The following DHX33 variants were observed in gnomAD, a reference collection of about 807,000 sequenced individuals.
The protein encoded by DHX33 is DEAH-box helicase 33.
Under a neutral mutation model 72.5 loss-of-function variants are expected in DHX33, and 42 were observed. The observed-to-expected ratio is 0.58, with a 90% CI of 0.45 to 0.75. The LOEUF is 0.75. Ranked by LOEUF, DHX33 falls within the 30% of genes least tolerant of loss-of-function variation. The probability of loss-of-function intolerance (pLI) is 0.00; values close to 1 mark genes in which losing one functional copy is unlikely to be tolerated. For missense variants in DHX33, 842 were observed against 917.5 expected (o/e 0.92, Z 1.06); for synonymous variants, 358 against 366.1 (o/e 0.98, Z 0.25).
At chr17:5,460,856 C>A in intron 4 of DHX33, 83 bp downstream of exon 4, 1 of 1,488,514 alleles carries the variant, frequency 6.7e-7, no homozygotes, top group South Asian at 1.3e-5. Flanking sequence ...TATTCAGTAG[C>A]TTTTCTTTTC....
In DHX33 at chr17:5,453,596, C is replaced by T; in HGVS notation, c.1380G>A (p.Met460Ile). The change falls in exon 8 of 12, where the codon ATG (methionine) becomes ATA (isoleucine). Residue 460 changes from methionine to isoleucine, a missense_variant. Physicochemically the swap from Met to Ile is conservative, Grantham distance 10. Transcript: ENST00000225296. ...KVPNVLTFDFMSKPSPDHIQA... is the reference protein window; with the variant it reads ...KVPNVLTFDFISKPSPDHIQA... ...TTCACTTACCTGGAGATGGCTTCGA[C>T]ATGAAGTCAAAGGTGAGCACATTTG... is the stretch of plus-strand genomic sequence containing the variant. The T allele has an allele frequency of 6.2e-7, 1 of 1,614,200 alleles. No individual in the cohort carries two copies. Among genetic ancestry groups the T allele is most frequent in the Non-Finnish European group, 8.5e-7 (1 of 1,180,030 alleles).
rs1917175841 is a variant in DHX33, at chr17:5,456,053, G to C, written c.979C>G (p.Leu327Val). The change falls in exon 5 of 12, where the codon CTG (leucine) becomes GTG (valine). Residue 327 changes from leucine to valine, a missense_variant. Physicochemically the swap from Leu to Val is conservative, Grantham distance 32. Transcript: ENST00000225296. Reference sequence around the variant, plus strand: ...TGTGCATAGGGCAGGGAGGCGTACAGAGGAAGGACCAGCATCGCAGGGCAG... The same window carrying C: ...TGTGCATAGGGCAGGGAGGCGTACACAGGAAGGACCAGCATCGCAGGGCAG... The part of the protein sequence containing the change: ...DGCPAMLVLP[L>V]YASLPYAQQL... 1.9e-6 allele frequency: 3 copies of C among 1,613,442 alleles called. No individual in the cohort carries two copies. The highest frequency in any genetic ancestry group is 2.5e-6 in the Non-Finnish European group (3 of 1,180,038).
rs747920089 is a variant in DHX33 at position 5,462,336 on chromosome 17, C to T, written c.661G>A (p.Gly221Arg). Residue 221 changes from glycine (G) to arginine (R), a missense_variant, in exon 3 of 12, where the codon GGG (glycine) becomes AGG (arginine). Coordinates refer to ENST00000225296, the MANE Select transcript of DHX33 (RefSeq NM_020162.4). ...KAAQKRRKEL[G>R]KLPLKVIVMS... is the part of the protein sequence containing the mutation. ...CCTCATACTTTCAGAGGAAGTTTCC[C>T]GAGTTCCTTTCTCCTCTTCTGTGCA... 1.9e-5 allele frequency: 30 copies of T among 1,613,876 alleles called. No homozygotes were observed. In the East Asian group the frequency reaches 3.6e-4, roughly 19 times the overall value.
Position 5,456,132 on chromosome 17 carries a change from C to T in DHX33, c.900G>A (p.Glu300=), listed in dbSNP as rs1447692706. Residue 300 remains glutamate (E), a synonymous_variant, in exon 5 of 12, where the codon GAG becomes GAA. Coordinates refer to ENST00000225296, the MANE Select transcript of DHX33 (RefSeq NM_020162.4). Reference sequence around the variant, plus strand: ...GGCACGTCTTGCTCATGGCTTCGATCTCCTCCTGCCCAGTGAGGAACACCA... The same window carrying T: ...GGCACGTCTTGCTCATGGCTTCGATTTCCTCCTGCCCAGTGAGGAACACCA... ...DILVFLTGQE[E]IEAMSKTCRD... 8 of 1,614,186 alleles carry T rather than the reference C, an allele frequency of 5.0e-6. No homozygotes were observed. In the East Asian group the frequency reaches 1.6e-4, roughly 31 times the overall value.
chr17:5,468,947 C>T lies in DHX33; in HGVS notation c.-88G>A. 1 of 1,326,880 alleles carries T rather than the reference C, an allele frequency of 7.5e-7. No homozygotes were observed. Among genetic ancestry groups the T allele is most frequent in the Non-Finnish European group, 1.0e-6 (1 of 971,450 alleles). The allele number at this position is 1,326,880 out of a possible 1,614,324, so 82.2% of individuals were successfully genotyped here. ...GACAACAGGAGCACACCGCCCCTTC[C>T]TCGCCGCCACGTGCTGGCGGCTCCC... On this transcript the variant is annotated 5_prime_UTR_variant, in exon 1 of 12. Transcript: ENST00000225296.
At chr17:5,453,525 T>C (rs1917046085) in intron 8 of DHX33, 55 bp downstream of exon 8, 1 of 1,407,604 alleles carries the variant, frequency 7.1e-7, no homozygotes, top group Middle Eastern at 1.8e-4. Context: ...GAAGTGTCCA[T>C]TTGTTGTTGT....
In DHX33 at chr17:5,468,818, C is replaced by G; in HGVS notation, c.42G>C (p.Arg14=). ...EAGFPPAKRF[R]PGSGPPSRAG... Reference sequence around the variant, plus strand: ...CGCGGCTCGGAGGTCCAGAGCCTGGCCGGAATCTCTTGGCCGGCGGGAAGC... The same window carrying G: ...CGCGGCTCGGAGGTCCAGAGCCTGGGCGGAATCTCTTGGCCGGCGGGAAGC... The change falls in exon 1 of 12, where the codon CGG becomes CGC. Residue 14 remains arginine, a synonymous_variant. Coordinates refer to ENST00000225296, the MANE Select transcript of DHX33 (RefSeq NM_020162.4). 6.3e-7 allele frequency: 1 copy of G among 1,582,314 alleles called. No homozygotes were observed. Among genetic ancestry groups the G allele is most frequent in the Non-Finnish European group, 8.6e-7 (1 of 1,164,962 alleles).
intron 1 of DHX33, among the ~76,000 whole-genome samples, chr17:5,465,114 T>C (rs1007695762): frequency 6.6e-6 from 1 of 152,232 alleles, no homozygotes; most frequent in Non-Finnish European, 1.5e-5. Flanking sequence ...ACGCAGTAAA[T>C]GTTACTTCCT....
chr17:5,464,421 G>A (rs982326738), intron 1 of DHX33, among the ~76,000 whole-genome samples: 1 of 152,134 alleles, frequency 6.6e-6, no homozygotes, highest in African/African-American at 2.4e-5. Context: ...ACCCTGTGTT[G>A]GTAAAGCCTC....
At chr17:5,448,511 C>T (rs1296649446) in intron 11 of DHX33, among the ~76,000 whole-genome samples, 1 of 151,996 alleles carries the variant, frequency 6.6e-6, no homozygotes, top group Non-Finnish European at 1.5e-5. Context: ...GATATTCATA[C>T]TTAAAAAAAA....
At chr17:5,466,503 C>T (rs1001980488) in intron 1 of DHX33, among the ~76,000 whole-genome samples, 2 of 152,174 alleles carry the variant, frequency 1.3e-5, no homozygotes, top group Non-Finnish European at 2.9e-5. Flanking sequence ...GACAAATCAG[C>T]TGTTACCCAC....
At chr17:5,446,984 C>T (rs953280011) in intron 11 of DHX33, among the ~76,000 whole-genome samples, 2 of 152,224 alleles carry the variant, frequency 1.3e-5, no homozygotes, top group Non-Finnish European at 2.9e-5. Flanking sequence ...AGACACAGGC[C>T]TGGGTACAGG....
In DHX33 at chr17:5,467,166, G is replaced by C. The variant is rs572112713; in HGVS notation, c.289+1405C>G. 2.6e-5 allele frequency among the ~76,000 whole-genome samples: 4 copies of C among 152,244 alleles called. No individual in the cohort carries two copies. The South Asian group carries it at 8.3e-4, about 32-fold the overall frequency. On this transcript the variant is annotated intron_variant, in intron 1 of 11. Transcript: ENST00000225296. The stretch of plus-strand genomic sequence containing the variant: ...GGTTTGAAAACAAAATCATAGCATG[G>C]GTCATCCCATTCCTGGGCCCTCTCC...
rs183228901 is a variant in DHX33 at position 5,468,897 on chromosome 17, G to C, written c.-38C>G. The C allele has an allele frequency of 9.7e-6, 15 of 1,547,776 alleles. No homozygotes were observed. In the African/African-American group the frequency reaches 1.5e-4, roughly 16 times the overall value. On this transcript the variant is annotated 5_prime_UTR_variant, in exon 1 of 12. Coordinates refer to ENST00000225296, the MANE Select transcript of DHX33 (RefSeq NM_020162.4). Reference sequence around the variant, plus strand: ...CCGCGGCGGGAGGCGCAAGCGCCGAGAGCTCCTGCCCCCTCTCAGGTGCAG... The same window carrying C: ...CCGCGGCGGGAGGCGCAAGCGCCGACAGCTCCTGCCCCCTCTCAGGTGCAG...
At chr17:5,445,516 T>C (rs955090828) in intron 11 of DHX33, among the ~76,000 whole-genome samples, 3 of 152,238 alleles carry the variant, frequency 2.0e-5, no homozygotes, top group African/African-American at 7.2e-5. Flanking sequence ...TCAGAGGAAA[T>C]GTCAGTCACC....
At chr17:5,446,354 T>G (rs780551491) in intron 11 of DHX33, among the ~76,000 whole-genome samples, 5 of 152,204 alleles carry the variant, frequency 3.3e-5, no homozygotes, top group Admixed American at 6.5e-5. Context: ...CCCCAGAGGC[T>G]AACTGGTGGT....
In DHX33 at chr17:5,468,964, GCGGCT is replaced by G; in HGVS notation, c.-110_-106del. On this transcript the variant is annotated 5_prime_UTR_variant, in exon 1 of 12. Transcript: ENST00000225296. Reference sequence around the variant, plus strand: ...GCCCCTTCCTCGCCGCCACGTGCTGGCGGCTCCCGGCGACCACCGATGACCTCACG... The same window carrying G: ...GCCCCTTCCTCGCCGCCACGTGCTGGCCCGGCGACCACCGATGACCTCACG... 1 of 725,906 alleles carries G rather than the reference GCGGCT, an allele frequency of 1.4e-6. No individual in the cohort carries two copies. Among genetic ancestry groups the G allele is most frequent in the Non-Finnish European group, 2.1e-6 (1 of 474,358 alleles). 45.0% of individuals were successfully genotyped at this position (725,906 alleles called of 1,614,324 possible).
intron 2 of DHX33, among the ~76,000 whole-genome samples, chr17:5,462,827 C>A (rs570886188): frequency 1.3e-4 from 20 of 152,248 alleles, no homozygotes; most frequent in African/African-American, 4.6e-4. Context: ...CACCTGTAAT[C>A]CCAGCACTTT....
Position 5,444,499 on chromosome 17 carries a change from G to A in DHX33, c.1830C>T (p.Ile610=), listed in dbSNP as rs373144962. 149 of 1,613,536 alleles carry A rather than the reference G, an allele frequency of 9.2e-5. No homozygotes were observed. Among genetic ancestry groups the A allele is most frequent in the South Asian group, 6.6e-5 (6 of 91,058 alleles). Residue 610 remains isoleucine, a synonymous_variant, in exon 12 of 12, where the codon ATC becomes ATT. Coordinates refer to ENST00000225296, the MANE Select transcript of DHX33 (RefSeq NM_020162.4). The surrounding 1 kb of genome is among the most constrained non-coding windows in gnomAD (Gnocchi z 4.9). ...TCTCCACGTCTCCTCGGGATGATGC[G>A]ATTGGCATTGACATCTGTTTCGGGA... The part of the protein sequence containing the change: ...RDICLKMSMP[I]ASSRGDVESV...
Sources: gnomAD v4.1 joint callset for allele counts (sites outside exome capture counted in the v4.1 genomes callset) on GRCh38, gnomAD v4.1.1 for gene constraint, Gnocchi (gnomAD v3.1) non-coding constraint, MANE v1.5 for transcripts, NCBI Gene and HGNC (gene_info 2026-07-23, HGNC 2026-07-21) for gene names.